KCNQ3: variants seen among roughly 807,000 people sequenced by gnomAD.
The protein encoded by KCNQ3 is potassium voltage-gated channel subfamily KQT member 3.
In KCNQ3, 30 loss-of-function variants were observed where a neutral mutation model predicts 92.5. That is an observed-to-expected ratio of 0.32 (90% CI 0.24 to 0.44). The LOEUF (loss-of-function observed/expected upper bound fraction) is 0.44, where lower values mean the gene tolerates loss of function less well. KCNQ3 is among the 20% of genes least tolerant of loss of function. KCNQ3 has a pLI of 1.00. For synonymous variants in KCNQ3, 450 were observed against 468.8 expected (o/e 0.96, Z 0.52); for missense variants, 913 against 1,140.3 (o/e 0.80, Z 2.87).
chr8:132,351,753 C>T (rs538424271), intron 1 of KCNQ3, among the ~76,000 whole-genome samples: 1 of 152,290 alleles, frequency 6.6e-6, no homozygotes, highest in South Asian at 2.1e-4. Context: ...ACTCACTGAA[C>T]CAGAAGCAGC....
intron 1 of KCNQ3, among the ~76,000 whole-genome samples, chr8:132,319,309 C>A (rs566712914): frequency 3.4e-4 from 51 of 152,154 alleles, no homozygotes; most frequent in African/African-American, 1.2e-3. Flanking sequence ...GGGAATTTGA[C>A]CCTAGGTTTG....
At chr8:132,303,077 A>C (rs1373103915) in intron 1 of KCNQ3, among the ~76,000 whole-genome samples, 1 of 152,212 alleles carries the variant, frequency 6.6e-6, no homozygotes, top group Non-Finnish European at 1.5e-5. Context: ...AGAACAGGAA[A>C]GGGAAGGAGC....
At chr8:132,286,664 C>T (rs144136454) in intron 1 of KCNQ3, among the ~76,000 whole-genome samples, 64 of 152,166 alleles carry the variant, frequency 4.2e-4, no homozygotes, top group African/African-American at 1.2e-3. Context: ...GAGAAGGACA[C>T]GAATTTTGGG....
intron 1 of KCNQ3, among the ~76,000 whole-genome samples, chr8:132,330,426 G>T (rs1375322258): frequency 6.6e-6 from 1 of 152,120 alleles, no homozygotes; most frequent in African/African-American, 2.4e-5. Flanking sequence ...ACCTCCAGGG[G>T]ATCTATCTCT....
chr8:132,381,981 G>C (rs541794363), intron 1 of KCNQ3, among the ~76,000 whole-genome samples: 1 of 152,328 alleles, frequency 6.6e-6, no homozygotes, highest in Non-Finnish European at 1.5e-5. Context: ...CTGGAGGCCT[G>C]CCTCGTCATG....
At chr8:132,351,781 G>T (rs1246095260) in intron 1 of KCNQ3, among the ~76,000 whole-genome samples, 1 of 152,152 alleles carries the variant, frequency 6.6e-6, no homozygotes, top group Non-Finnish European at 1.5e-5. Flanking sequence ...ACTCAGTTTT[G>T]CTTCTTTCCC....
chr8:132,326,979 C>T (rs909398089), intron 1 of KCNQ3, among the ~76,000 whole-genome samples: 7 of 152,172 alleles, frequency 4.6e-5, no homozygotes, highest in Non-Finnish European at 1.0e-4. Context: ...CTACAGCCTC[C>T]GGCCATATTC....
At position 132,296,519 on chromosome 8, in the gene KCNQ3, C is replaced by G. The variant is rs140087450; in HGVS notation, c.387-110338G>C. ...CTCGTCTTTAGCGTTAGGTATATCT[C>G]CTAATGCTATCCCTCCCCACTCCCC... is the stretch of plus-strand genomic sequence containing the variant. On this transcript the variant is annotated intron_variant, in intron 1 of 14. Coordinates refer to ENST00000388996, the MANE Select transcript of KCNQ3 (RefSeq NM_004519.4). Among the ~76,000 whole-genome samples the G allele has an allele frequency of 7.4e-3, 1,119 of 152,126 alleles. 8 individuals carry two copies. Among genetic ancestry groups the G allele is most frequent in the African/African-American group, 0.025 (1,024 of 41,500 alleles).
At chr8:132,324,068 A>T (rs937608426) in intron 1 of KCNQ3, among the ~76,000 whole-genome samples, 10 of 151,982 alleles carry the variant, frequency 6.6e-5, no homozygotes, top group African/African-American at 2.4e-4. Context: ...ATCCCTCCAT[A>T]TCTTAGTTCT....
intron 1 of KCNQ3, among the ~76,000 whole-genome samples, chr8:132,456,273 T>C (rs1030784156): frequency 1.3e-5 from 2 of 152,142 alleles, no homozygotes; most frequent in Admixed American, 6.5e-5. Flanking sequence ...TAGCGACAAG[T>C]TGTGCAGCCT....
intron 1 of KCNQ3, among the ~76,000 whole-genome samples, chr8:132,436,352 T>C (rs541926232): frequency 1.3e-5 from 2 of 152,346 alleles, no homozygotes; most frequent in Admixed American, 6.5e-5. Context: ...TAAATCACCA[T>C]CACTAATAAA....
At chr8:132,193,996 T>A (rs945366748) in intron 1 of KCNQ3, among the ~76,000 whole-genome samples, 4 of 152,120 alleles carry the variant, frequency 2.6e-5, no homozygotes, top group African/African-American at 9.7e-5. Flanking sequence ...AGAGAAAATC[T>A]CAGTAACATT....
At chr8:132,390,520 A>C (rs1820023351) in intron 1 of KCNQ3, among the ~76,000 whole-genome samples, 1 of 152,212 alleles carries the variant, frequency 6.6e-6, no homozygotes, top group African/African-American at 2.4e-5. Flanking sequence ...CAGACCAGTG[A>C]AATCAGGATC....
chr8:132,324,112 G>T (rs1817973017), intron 1 of KCNQ3, among the ~76,000 whole-genome samples: 1 of 151,984 alleles, frequency 6.6e-6, no homozygotes, highest in Non-Finnish European at 1.5e-5. Context: ...ATTCCCTCTG[G>T]ATAATTTCAA....
chr8:132,238,195 G>T (rs1814877057), intron 1 of KCNQ3, among the ~76,000 whole-genome samples: 1 of 152,120 alleles, frequency 6.6e-6, no homozygotes, highest in Non-Finnish European at 1.5e-5. Flanking sequence ...ACTCGGCGGA[G>T]GGGGTATGCT....
intron 1 of KCNQ3, among the ~76,000 whole-genome samples, chr8:132,345,365 T>G (rs770659057): frequency 6.6e-5 from 10 of 151,878 alleles, no homozygotes; most frequent in Non-Finnish European, 1.0e-4. Context: ...TGAGGCAGAG[T>G]GATGGTCCAG....
chr8:132,453,462 C>G (rs1024543581), intron 1 of KCNQ3, among the ~76,000 whole-genome samples: 3 of 152,158 alleles, frequency 2.0e-5, no homozygotes, highest in African/African-American at 7.2e-5. Flanking sequence ...ACCCTCAAGG[C>G]CAGTGGCACA....
At chr8:132,314,092 C>T (rs558235939) in intron 1 of KCNQ3, among the ~76,000 whole-genome samples, 1 of 152,042 alleles carries the variant, frequency 6.6e-6, no homozygotes, top group South Asian at 2.1e-4. Flanking sequence ...GAAAATTGAA[C>T]AAAACAAACA....
intron 1 of KCNQ3, among the ~76,000 whole-genome samples, chr8:132,366,280 A>G (rs535864194): frequency 3.3e-5 from 5 of 152,274 alleles, no homozygotes; most frequent in African/African-American, 1.2e-4. Context: ...GGTAAATTGT[A>G]TATCGATTTC....
Sources: allele counts gnomAD v4.1 joint callset (sites outside exome capture counted in the v4.1 genomes callset), GRCh38; gene constraint gnomAD v4.1.1; transcripts MANE v1.5; gene names NCBI Gene and HGNC (gene_info 2026-07-23, HGNC 2026-07-21).